OTUD5: variants seen among roughly 807,000 people sequenced by gnomAD.
OTUD5 encodes the protein OTU domain-containing protein 5.
In OTUD5, 2 loss-of-function variants were observed where a neutral mutation model predicts 36.3. The ratio of observed to expected loss-of-function variants is 0.06; its 90% CI spans 0.02 to 0.17. OTUD5 has a LOEUF of 0.17. OTUD5 is among the 10% of genes least tolerant of loss of function. The pLI is 1.00. For synonymous variants in OTUD5, 234 were observed against 214.9 expected, an observed-to-expected ratio of 1.09 and a Z score of -0.78; for missense variants, 233 against 512.3, an observed-to-expected ratio of 0.45 and a Z score of 5.26.
At chrX:48,924,481 C>A (rs1179626457) in intron 6 of OTUD5, among the ~76,000 whole-genome samples, 1 of 111,783 alleles carries the variant, frequency 8.9e-6, no homozygotes, top group Non-Finnish European at 1.9e-5. Context: ...TGTCCGTCCT[C>A]TGCTCACAAT....
Position 48,934,984 on chromosome X carries a change from C to G in OTUD5, c.723G>C (p.Glu241Asp). 8.3e-7 allele frequency: 1 copy of G among 1,211,563 alleles called. No homozygotes were observed. The highest frequency in any genetic ancestry group is 1.7e-5 in the African/African-American group (1 of 57,891). ...AGTCCATGCAATGCTTTCGCACAAC[C>G]TCATGCATGTCCTGGTCTCCATACA... The part of the protein sequence containing the change: ...DQVYGDQDMH[E>D]VVRKHCMDYL... The change falls in exon 3 of 9, where the codon GAG (glutamate) becomes GAC (aspartate). Residue 241 changes from glutamate (E) to aspartate (D), a missense_variant. By Grantham distance (45) the Glu-to-Asp change is conservative. Around this residue, in one of 3 missense-constraint regions of OTUD5, gnomAD observed 21 missense variants for 161.9 expected, o/e 0.13. Transcript: ENST00000376488.
chrX:48,932,969 G>A (rs1306027759), intron 5 of OTUD5, among the ~76,000 whole-genome samples: 1 of 109,952 alleles, frequency 9.1e-6, no homozygotes, highest in Non-Finnish European at 1.9e-5. Flanking sequence ...CTGGGTGAGA[G>A]AGTGAGACCC....
intron 6 of OTUD5, among the ~76,000 whole-genome samples, chrX:48,924,290 T>C (rs1236528685): frequency 3.6e-5 from 4 of 111,256 alleles, no homozygotes; most frequent in African/African-American, 1.3e-4. Flanking sequence ...GTTACCTCTA[T>C]CTTGAAAATA....
chrX:48,942,299 T>C (rs868921807), intron 2 of OTUD5, among the ~76,000 whole-genome samples: 28 of 54,973 alleles, frequency 5.1e-4, no homozygotes, highest in East Asian at 1.4e-3. Flanking sequence ...GCTAGCTAGA[T>C]ACACACACAC....
At chrX:48,928,646 G>A (rs2063702229) in intron 5 of OTUD5, among the ~76,000 whole-genome samples, 1 of 110,439 alleles carries the variant, frequency 9.1e-6, no homozygotes, top group Non-Finnish European at 1.9e-5. Context: ...GAGCAACACA[G>A]TGAGATCCTG....
intron 1 of OTUD5, among the ~76,000 whole-genome samples, chrX:48,950,268 T>G (rs1557053475): frequency 1.8e-5 from 2 of 111,414 alleles, no homozygotes; most frequent in Non-Finnish European, 1.9e-5. Context: ...CAAGTGTCCT[T>G]ATAAAAGAGA....
chrX:48,957,319 G>C lies in OTUD5; in HGVS notation c.252C>G (p.Ala84=), dbSNP rs782818983. The change falls in exon 1 of 9, where the codon GCC becomes GCG. Residue 84 remains alanine, a synonymous_variant. Coordinates refer to ENST00000376488, the MANE Select transcript of OTUD5 (RefSeq NM_001136157.2). ...PPGALHRWAL[A]VPPGAVAGPR... ...GACCCGCCACTGCACCAGGCGGCAC[G>C]GCCAGCGCCCAGCGATGAAGAGCGC... 1 of 1,131,947 alleles carries C rather than the reference G, an allele frequency of 8.8e-7. No individual in the cohort carries two copies. The highest frequency in any genetic ancestry group is 1.2e-6 in the Non-Finnish European group (1 of 865,077). The allele number at this position is 1,131,947 out of a possible 1,213,427, so 93.3% of individuals were successfully genotyped here. A position where few individuals can be genotyped will look rare whatever the true frequency, so the allele number is the denominator to read the frequency against.
chrX:48,932,132 A>G (rs2063763229), intron 5 of OTUD5, among the ~76,000 whole-genome samples: 1 of 100,559 alleles, frequency 9.9e-6, no homozygotes, highest in Non-Finnish European at 2.0e-5. Flanking sequence ...CTGGGTGATG[A>G]GAGAGAAACT....
Position 48,923,145 on chromosome X carries a change from G to A in OTUD5, c.*29C>T. On this transcript the variant is annotated 3_prime_UTR_variant, in exon 9 of 9. Transcript: ENST00000376488. ...CCGGAGAGCAGGAGTACTGGGGTTG[G>A]GAGATGGTGTCCAATCCCTGGGTCT... 5 of 1,210,857 alleles carry A rather than the reference G, an allele frequency of 4.1e-6. No individual in the cohort carries two copies. The highest frequency in any genetic ancestry group is 5.6e-6 in the Non-Finnish European group (5 of 895,014).
upstream of OTUD5, chrX:48,957,780 G>T: frequency 5.1e-6 from 4 of 789,235 alleles, no homozygotes; most frequent in Non-Finnish European, 6.0e-6. Flanking sequence ...GCCGAGAGGA[G>T]AACCCGGATG....
intron 1 of OTUD5, 27 bp downstream of exon 1, chrX:48,956,950 G>C: frequency 9.0e-7 from 1 of 1,112,023 alleles, no homozygotes; most frequent in South Asian, 2.3e-5. Flanking sequence ...TGCCGTGGCC[G>C]CTCACCCCTC....
At chrX:48,931,589 G>C (rs1416742241) in intron 5 of OTUD5, among the ~76,000 whole-genome samples, 4 of 103,852 alleles carry the variant, frequency 3.9e-5, no homozygotes, top group Non-Finnish European at 7.9e-5. Context: ...GACCAGCGTG[G>C]CCAACATGGT....
chrX:48,951,781 C>T (rs971615662), intron 1 of OTUD5, among the ~76,000 whole-genome samples: 3 of 111,065 alleles, frequency 2.7e-5, no homozygotes, highest in Non-Finnish European at 5.7e-5. Flanking sequence ...TGGCAGGGTG[C>T]GGTGACTCAC....
At chrX:48,950,835 T>G (rs1327543142) in intron 1 of OTUD5, among the ~76,000 whole-genome samples, 1 of 110,328 alleles carries the variant, frequency 9.1e-6, no homozygotes, top group Non-Finnish European at 1.9e-5. Flanking sequence ...GTGCTGGGAT[T>G]ACAGGGGTGA....
intron 5 of OTUD5, among the ~76,000 whole-genome samples, chrX:48,933,279 A>G (rs2063783309): frequency 9.0e-6 from 1 of 111,595 alleles, no homozygotes; most frequent in Non-Finnish European, 1.9e-5. Flanking sequence ...GTCATTAGGG[A>G]AAAACTAAGG....
At chrX:48,955,427 G>A (rs1305002997) in intron 1 of OTUD5, among the ~76,000 whole-genome samples, 1 of 111,420 alleles carries the variant, frequency 9.0e-6, no homozygotes, top group Non-Finnish European at 1.9e-5. Context: ...GGTCTGGGGG[G>A]AGGAGTCCTC....
In OTUD5 at chrX:48,934,883, G is replaced by A. The variant is rs1569514566; in HGVS notation, c.754-16C>T. 8.3e-7 allele frequency: 1 copy of A among 1,208,321 alleles called. No homozygotes were observed. Among genetic ancestry groups the A allele is most frequent in the Non-Finnish European group, 1.1e-6 (1 of 892,296 alleles). On this transcript the variant is annotated splice_polypyrimidine_tract_variant and intron_variant, in intron 3 of 8. Coordinates refer to ENST00000376488, the MANE Select transcript of OTUD5 (RefSeq NM_001136157.2). ...CATTCTTCATCTGCAGAATAGATTG[G>A]AAGGTTAAGGTCTGTGTGGAGAAGA...
chrX:48,953,255 T>A (rs2064178076), intron 1 of OTUD5, among the ~76,000 whole-genome samples: 1 of 111,437 alleles, frequency 9.0e-6, no homozygotes, highest in Non-Finnish European at 1.9e-5. Context: ...CATTACAACA[T>A]GGCTGCCCAC....
intron 6 of OTUD5, among the ~76,000 whole-genome samples, chrX:48,925,135 A>G (rs2063644373): frequency 9.1e-6 from 1 of 109,670 alleles, no homozygotes; most frequent in Non-Finnish European, 1.9e-5. Context: ...AAAATTAGCC[A>G]GGCGTGGTGG....
Sources: allele counts gnomAD v4.1 joint callset (sites outside exome capture counted in the v4.1 genomes callset), GRCh38; gene constraint gnomAD v4.1.1; regional missense constraint gnomAD v4.1.1; transcripts MANE v1.5; gene names NCBI Gene and HGNC (gene_info 2026-07-23, HGNC 2026-07-21).